The following MTM1 variants were observed in gnomAD, a reference collection of about 807,000 sequenced individuals.
MTM1 encodes myotubularin.
Under a neutral mutation model 52.1 loss-of-function variants are expected in MTM1, and 9 were observed. The ratio of observed to expected loss-of-function variants is 0.17; its 90% CI spans 0.10 to 0.30. The LOEUF (loss-of-function observed/expected upper bound fraction) is 0.30, where lower values mean the gene tolerates loss of function less well. MTM1 is among the 10% of genes least tolerant of loss of function. The probability of loss-of-function intolerance (pLI) is 1.00; values close to 1 mark genes in which losing one functional copy is unlikely to be tolerated. For missense variants in MTM1, 277 were observed against 470.7 expected (o/e 0.59, Z 3.81); for synonymous variants, 136 against 163.8 (o/e 0.83, Z 1.29).
intron 4 of MTM1, among the ~76,000 whole-genome samples, chrX:150,610,757 G>A: frequency 8.9e-6 from 1 of 111,850 alleles, no homozygotes; most frequent in Middle Eastern, 4.6e-3. Context: ...TTTTTTCTGT[G>A]TAGGGCCAGG....
At chrX:150,654,258 T>A (rs2040075072) in intron 10 of MTM1, among the ~76,000 whole-genome samples, 1 of 111,951 alleles carries the variant, frequency 8.9e-6, no homozygotes, top group African/African-American at 3.2e-5. Flanking sequence ...TGGCTGAGAT[T>A]GAGTCCTTTT....
chrX:150,638,004 T>A (rs7885142), intron 6 of MTM1, among the ~76,000 whole-genome samples: 92 of 112,572 alleles, frequency 8.2e-4, no homozygotes, highest in African/African-American at 2.8e-3. Flanking sequence ...ACTTGAGAAG[T>A]ACAAAGATGA....
chrX:150,580,256 A>G (rs955147133), intron 1 of MTM1, among the ~76,000 whole-genome samples: 10 of 112,111 alleles, frequency 8.9e-5, no homozygotes, highest in African/African-American at 2.9e-4. Flanking sequence ...AGCACACCTC[A>G]TGAATAGTCT....
chrX:150,569,166 C>T (rs1016407488), intron 1 of MTM1, among the ~76,000 whole-genome samples: 4 of 113,564 alleles, frequency 3.5e-5, no homozygotes, highest in African/African-American at 1.3e-4. Flanking sequence ...CCTCGATGGC[C>T]GCTCTCGGCC....
intron 9 of MTM1, 117 bp from the exon 10 acceptor site, chrX:150,649,599 T>C (rs1484855308): frequency 1.6e-6 from 1 of 612,509 alleles, no homozygotes; most frequent in Non-Finnish European, 2.7e-6. Flanking sequence ...CATCAATTAT[T>C]CATTTAAATT....
chrX:150,570,797 A>G (rs184166859), intron 1 of MTM1, among the ~76,000 whole-genome samples: 13 of 111,960 alleles, frequency 1.2e-4, no homozygotes, highest in African/African-American at 4.2e-4. Flanking sequence ...GAAATAGCTC[A>G]AGAGAAAAGA....
intron 6 of MTM1, among the ~76,000 whole-genome samples, chrX:150,622,743 G>A (rs2039503858): frequency 9.0e-6 from 1 of 111,465 alleles, no homozygotes; most frequent in Non-Finnish European, 1.9e-5. Context: ...TGGGGCTTGA[G>A]TGATGAGGGT....
intron 6 of MTM1, among the ~76,000 whole-genome samples, chrX:150,627,142 C>G (rs1008817839): frequency 9.0e-6 from 1 of 111,547 alleles, no homozygotes; most frequent in East Asian, 2.8e-4. Flanking sequence ...TGCAATCAGT[C>G]GTCTAGCCCG....
chrX:150,651,491 T>G (rs950627567), intron 10 of MTM1, among the ~76,000 whole-genome samples: 8 of 109,190 alleles, frequency 7.3e-5, no homozygotes, highest in African/African-American at 2.7e-4. Context: ...GGTTGTTTTT[T>G]TTTTTTTTTT....
At chrX:150,577,322 A>T (rs782070789) in intron 1 of MTM1, among the ~76,000 whole-genome samples, 4 of 112,457 alleles carry the variant, frequency 3.6e-5, no homozygotes, top group Non-Finnish European at 7.5e-5. Flanking sequence ...TCGTGTAAAT[A>T]CTTAGGTGTG....
intron 6 of MTM1, among the ~76,000 whole-genome samples, chrX:150,620,988 G>C (rs1404034926): frequency 9.2e-6 from 1 of 108,569 alleles, no homozygotes; most frequent in African/African-American, 3.4e-5. Context: ...TGTAGTGCTG[G>C]GCACCTGTAA....
chrX:150,637,822 C>T (rs987122943), intron 6 of MTM1, among the ~76,000 whole-genome samples: 1 of 112,052 alleles, frequency 8.9e-6, no homozygotes, highest in African/African-American at 3.2e-5. Flanking sequence ...GTGTGACTTA[C>T]GTGGAGCGAG....
rs781885722 is a variant in MTM1 at position 150,653,988 on chromosome X, A to G, written c.1054-3833A>G. 1.9e-3 allele frequency among the ~76,000 whole-genome samples: 210 copies of G among 111,649 alleles called. 1 individual carries two copies. The highest frequency in any genetic ancestry group is 6.5e-3 in the African/African-American group (199 of 30,749). On this transcript the variant is annotated intron_variant, in intron 10 of 14. Transcript: ENST00000370396. ...GAGAGAGAGAAACCATGGTTACTCAATTGGCCCAAAGCACGAGATATCAAA... is the reference window on the plus strand; with the variant it reads ...GAGAGAGAGAAACCATGGTTACTCAGTTGGCCCAAAGCACGAGATATCAAA...
chrX:150,628,640 C>T (rs1256845802), intron 6 of MTM1, among the ~76,000 whole-genome samples: 1 of 111,484 alleles, frequency 9.0e-6, no homozygotes, highest in Non-Finnish European at 1.9e-5. Flanking sequence ...TCTGTGTTCC[C>T]AGTTACTCTT....
intron 7 of MTM1, among the ~76,000 whole-genome samples, chrX:150,640,755 A>G (rs1285587897): frequency 2.9e-4 from 32 of 111,606 alleles, no homozygotes; most frequent in Admixed American, 2.2e-3. Context: ...CCCCAGAGGG[A>G]TCTTCCTTTA....
chrX:150,642,868 T>G (rs187515717), intron 8 of MTM1, among the ~76,000 whole-genome samples: 1 of 112,169 alleles, frequency 8.9e-6, no homozygotes. Context: ...GATCCAGTAG[T>G]CCCCATTATT....
intron 2 of MTM1, 27 bp from the exon 3 acceptor site, chrX:150,596,471 C>T (rs1557412606): frequency 3.5e-6 from 4 of 1,155,435 alleles, no homozygotes; most frequent in Non-Finnish European, 4.7e-6. Flanking sequence ...AACGTCATTA[C>T]TTCTGATGCA....
rs1383687289 is a variant in MTM1 at position 150,583,477 on chromosome X, TTA to T, written c.-10-9120_-10-9119del. On this transcript the variant is annotated intron_variant, in intron 1 of 14. Coordinates refer to ENST00000370396, the MANE Select transcript of MTM1 (RefSeq NM_000252.3). ...ATATATAATTATAAATATATATAAA[TTA>T]TATATATTATATATAAATTATAAAT... Among the ~76,000 whole-genome samples the T allele has an allele frequency of 5.3e-3, 156 of 29,554 alleles. 17 individuals are homozygous for T. The highest frequency in any genetic ancestry group is 0.018 in the African/African-American group (143 of 8,064). The allele number at this position is 29,554 out of a possible 115,157, so 25.7% of individuals were successfully genotyped here.
chrX:150,579,437 C>T (rs1012566202), intron 1 of MTM1, among the ~76,000 whole-genome samples: 4 of 111,620 alleles, frequency 3.6e-5, no homozygotes, highest in Non-Finnish European at 7.5e-5. Flanking sequence ...GATTCTTGGA[C>T]GTATTTTGTT....
Sources: gnomAD v4.1 joint callset for allele counts (sites outside exome capture counted in the v4.1 genomes callset) on GRCh38, gnomAD v4.1.1 for gene constraint, MANE v1.5 for transcripts, NCBI Gene and HGNC (gene_info 2026-07-23, HGNC 2026-07-21) for gene names.